Variants in SNTG1 observed in about 807,000 individuals in gnomAD.
SNTG1 encodes syntrophin gamma 1.
A neutral mutation model predicts 74.7 loss-of-function variants in SNTG1; 39 were observed. The observed-to-expected ratio is 0.52, with a 90% confidence interval of 0.40 to 0.68. The LOEUF is 0.68. SNTG1 is among the 30% of genes least tolerant of loss of function. SNTG1 has a pLI of 0.00. For synonymous variants in SNTG1, 254 were observed against 217.1 expected (o/e 1.17, Z -1.49); for missense variants, 685 against 609.5 (o/e 1.12, Z -1.30).
intron 8 of SNTG1, among the ~76,000 whole-genome samples, chr8:50,455,344 T>C (rs536093135): frequency 3.1e-4 from 47 of 152,330 alleles, no homozygotes; most frequent in African/African-American, 1.0e-3. Flanking sequence ...AAAAAAAATA[T>C]GTTCATCTGC....
intron 15 of SNTG1, among the ~76,000 whole-genome samples, chr8:50,690,780 T>G (rs1353521813): frequency 6.6e-6 from 1 of 152,220 alleles, no homozygotes; most frequent in Non-Finnish European, 1.5e-5. Context: ...GGTGCAGATC[T>G]GAGTTCAATT....
At chr8:50,407,848 G>T (rs929074226) in intron 4 of SNTG1, among the ~76,000 whole-genome samples, 8 of 152,180 alleles carry the variant, frequency 5.3e-5, no homozygotes, top group Admixed American at 2.0e-4. Flanking sequence ...GTACTGACTG[G>T]TTGGATCAGG....
At chr8:50,156,155 AC>A (rs1168163983) in intron 1 of SNTG1, among the ~76,000 whole-genome samples, 1 of 151,846 alleles carries the variant, frequency 6.6e-6, no homozygotes, top group African/African-American at 2.4e-5. Flanking sequence ...TACACAAAAC[AC>A]CCCCAGGTAC....
intron 18 of SNTG1, among the ~76,000 whole-genome samples, chr8:50,779,792 G>A (rs1367272513): frequency 1.3e-5 from 2 of 151,934 alleles, no homozygotes; most frequent in African/African-American, 4.8e-5. Flanking sequence ...GTTTTCAAAG[G>A]GAATGCTTCC....
chr8:50,782,746 G>A (rs2095663414), intron 18 of SNTG1, among the ~76,000 whole-genome samples: 1 of 152,184 alleles, frequency 6.6e-6, no homozygotes, highest in Non-Finnish European at 1.5e-5. Context: ...CGTTGCTGGT[G>A]AGGAGCTGCG....
rs558132284 is a variant in SNTG1 at position 50,001,589 on chromosome 8, G to A, written c.-103+89358G>A. ...AGGCACCAACAACTTTCAGAGTTTC[G>A]TGGATTTTCAACTCCTCTGTATACA... is the stretch of plus-strand genomic sequence containing the variant. On this transcript the variant is annotated intron_variant, in intron 1 of 18. Transcript: ENST00000642720. 5.3e-5 allele frequency among the ~76,000 whole-genome samples: 8 copies of A among 152,218 alleles called. No homozygotes were observed. The East Asian group carries it at 5.8e-4, about 11-fold the overall frequency.
chr8:50,290,018 C>A (rs1298872882), intron 2 of SNTG1, among the ~76,000 whole-genome samples: 2 of 152,128 alleles, frequency 1.3e-5, no homozygotes, highest in East Asian at 1.9e-4. Flanking sequence ...GATAGGGGTA[C>A]AATTACGTTA....
At chr8:49,983,570 G>A (rs550513367) in intron 1 of SNTG1, among the ~76,000 whole-genome samples, 2 of 152,242 alleles carry the variant, frequency 1.3e-5, no homozygotes, top group South Asian at 2.1e-4. Flanking sequence ...GAGATAATAT[G>A]TATAAGAGCA....
In SNTG1 at chr8:50,390,855, T is replaced by G. The variant is rs543769128; in HGVS notation, c.-27-3357T>G. 4.8e-4 allele frequency among the ~76,000 whole-genome samples: 73 copies of G among 152,198 alleles called. 1 individual carries two copies. Among genetic ancestry groups the G allele is most frequent in the African/African-American group, 1.1e-3 (45 of 41,562 alleles). On this transcript the variant is annotated intron_variant, in intron 2 of 18. Coordinates refer to ENST00000642720, the MANE Select transcript of SNTG1 (RefSeq NM_018967.5). ...CAATTGTGAATGGGAATTCACTCTT[T>G]ATTTGGCTCTCTGTTTGTCTGTTAT...
At chr8:50,593,474 C>CAAGAAG (rs1217507427) in intron 13 of SNTG1, among the ~76,000 whole-genome samples, 1 of 151,290 alleles carries the variant, frequency 6.6e-6, no homozygotes, top group Non-Finnish European at 1.5e-5. Context: ...AATCATAAGA[C>CAAGAAG]AAGAAGAGGA....
chr8:49,975,378 G>C (rs1423484932), intron 1 of SNTG1, among the ~76,000 whole-genome samples: 1 of 152,080 alleles, frequency 6.6e-6, no homozygotes, highest in African/African-American at 2.4e-5. Context: ...TATGCTTGTT[G>C]ATGTTGGTGA....
chr8:50,379,686 G>A (rs987393690), intron 2 of SNTG1, among the ~76,000 whole-genome samples: 3 of 152,206 alleles, frequency 2.0e-5, no homozygotes, highest in Non-Finnish European at 4.4e-5. Flanking sequence ...TGTTAAAAGT[G>A]CATAAAACAT....
At chr8:50,787,879 A>G (rs917847797) in intron 18 of SNTG1, among the ~76,000 whole-genome samples, 7 of 152,188 alleles carry the variant, frequency 4.6e-5, no homozygotes, top group African/African-American at 1.7e-4. Context: ...GGTATAGGAT[A>G]TATTTTTGGA....
chr8:50,083,817 C>A (rs902531520), intron 1 of SNTG1, among the ~76,000 whole-genome samples: 1 of 152,114 alleles, frequency 6.6e-6, no homozygotes, highest in African/African-American at 2.4e-5. Context: ...TTCATTTGTT[C>A]ATTTCATCAT....
intron 3 of SNTG1, among the ~76,000 whole-genome samples, chr8:50,400,794 G>A (rs1310318071): frequency 5.3e-5 from 8 of 152,058 alleles, no homozygotes; most frequent in Admixed American, 5.2e-4. Context: ...CCACACACTG[G>A]GGTGCATGGA....
chr8:50,000,562 A>G (rs1814650231), intron 1 of SNTG1, among the ~76,000 whole-genome samples: 1 of 152,214 alleles, frequency 6.6e-6, no homozygotes, highest in African/African-American at 2.4e-5. Flanking sequence ...ACTTCAGTGC[A>G]TAACCTGACT....
intron 15 of SNTG1, among the ~76,000 whole-genome samples, chr8:50,701,896 G>A (rs1267616742): frequency 2.0e-5 from 3 of 148,520 alleles, no homozygotes; most frequent in Non-Finnish European, 3.0e-5. Context: ...GGTTGCCCAC[G>A]CTGGAATGCA....
At chr8:50,088,010 C>A (rs1823072944) in intron 1 of SNTG1, among the ~76,000 whole-genome samples, 1 of 144,828 alleles carries the variant, frequency 6.9e-6, no homozygotes, top group Non-Finnish European at 1.5e-5. Flanking sequence ...CAATTCCCAC[C>A]TATGAGTGAG....
At chr8:50,278,784 C>A (rs1333921928) in intron 2 of SNTG1, among the ~76,000 whole-genome samples, 1 of 152,036 alleles carries the variant, frequency 6.6e-6, no homozygotes, top group African/African-American at 2.4e-5. Context: ...CATCAGACAT[C>A]TTTCAATTAG....
Sources: allele counts gnomAD v4.1 joint callset (sites outside exome capture counted in the v4.1 genomes callset), GRCh38; gene constraint gnomAD v4.1.1; transcripts MANE v1.5; gene names NCBI Gene and HGNC (gene_info 2026-07-23, HGNC 2026-07-21).